DIAPH2: variants seen among roughly 807,000 people sequenced by gnomAD.
DIAPH2 encodes the protein diaphanous related formin 2, also known as protein diaphanous homolog 2.
DIAPH2 carries 35 observed loss-of-function variants against 92.7 expected under a neutral mutation model. The ratio of observed to expected loss-of-function variants is 0.38; its 90% CI spans 0.29 to 0.50. The LOEUF (loss-of-function observed/expected upper bound fraction) is 0.50, where lower values mean the gene tolerates loss of function less well. Ranked by LOEUF, DIAPH2 falls within the 20% of genes least tolerant of loss-of-function variation. The pLI is 0.94. For synonymous variants in DIAPH2, 301 were observed against 280.4 expected (o/e 1.07, Z -0.73); for missense variants, 701 against 819.5 (o/e 0.86, Z 1.77).
chrX:97,021,319 C>T (rs929536070), intron 17 of DIAPH2, among the ~76,000 whole-genome samples: 7 of 111,812 alleles, frequency 6.3e-5, no homozygotes, highest in African/African-American at 2.3e-4. Context: ...GCACCTCAGT[C>T]TCCCGAGTAG....
intron 19 of DIAPH2, among the ~76,000 whole-genome samples, chrX:97,086,955 A>G (rs963977856): frequency 2.7e-5 from 3 of 111,559 alleles, no homozygotes; most frequent in Middle Eastern, 4.6e-3. Context: ...AGTAACAGAA[A>G]GTTTACTAAT....
chrX:97,166,775 C>G (rs1255699479), intron 22 of DIAPH2, among the ~76,000 whole-genome samples: 3 of 111,420 alleles, frequency 2.7e-5, no homozygotes, highest in Non-Finnish European at 3.8e-5. Flanking sequence ...TCTTTAATGC[C>G]CTGTCTGTTC....
intron 15 of DIAPH2, among the ~76,000 whole-genome samples, chrX:96,957,011 A>G (rs1251659201): frequency 8.9e-6 from 1 of 112,451 alleles, no homozygotes; most frequent in African/African-American, 3.2e-5. Context: ...GAGACTGGGT[A>G]ACTTTTTTTT....
chrX:97,597,787 T>G (rs190071905), intron 26 of DIAPH2, among the ~76,000 whole-genome samples: 100 of 112,010 alleles, frequency 8.9e-4, no homozygotes, highest in African/African-American at 3.0e-3. Context: ...TTGTGATCCA[T>G]ATCTCAAACT....
At chrX:97,518,301 A>G (rs991693209) in intron 26 of DIAPH2, among the ~76,000 whole-genome samples, 1 of 111,461 alleles carries the variant, frequency 9.0e-6, no homozygotes, top group Non-Finnish European at 1.9e-5. Flanking sequence ...TATATTTCTC[A>G]TATAGATCCA....
At chrX:97,151,407 G>A (rs1435357379) in intron 22 of DIAPH2, among the ~76,000 whole-genome samples, 1 of 111,470 alleles carries the variant, frequency 9.0e-6, no homozygotes, top group African/African-American at 3.3e-5. Flanking sequence ...CATTGTATAA[G>A]TGTAAATAGG....
At chrX:97,271,852 TACAG>T (rs2068390313) in intron 23 of DIAPH2, among the ~76,000 whole-genome samples, 1 of 100,397 alleles carries the variant, frequency 1.0e-5, no homozygotes, top group Non-Finnish European at 2.1e-5. Flanking sequence ...CACACATGCG[TACAG>T]ACATACATAT....
Position 97,360,404 on chromosome X carries a change from G to T in DIAPH2, c.3009+12124G>T, listed in dbSNP as rs746723668. On this transcript the variant is annotated intron_variant, in intron 24 of 26. Coordinates refer to ENST00000324765, the MANE Select transcript of DIAPH2 (RefSeq NM_006729.5). ...CAAGGCGGGTGAATCATGAGGTCAG[G>T]AGTTCGAGACCAGCCTGGCCAACAT... Among the ~76,000 whole-genome samples, 19 of 108,209 alleles carry T rather than the reference G, an allele frequency of 1.8e-4. No individual in the cohort carries two copies. The South Asian group carries it at 7.9e-3, about 45-fold the overall frequency. 94.0% of individuals were successfully genotyped at this position (108,209 alleles called of 115,157 possible).
At chrX:97,428,327 C>G (rs988289727) in intron 25 of DIAPH2, among the ~76,000 whole-genome samples, 6 of 110,674 alleles carry the variant, frequency 5.4e-5, no homozygotes, top group African/African-American at 1.6e-4. Context: ...GTCAGGAGTT[C>G]GAGACCAGCC....
chrX:96,874,489 A>G (rs2147738940), intron 4 of DIAPH2, among the ~76,000 whole-genome samples: 1 of 112,359 alleles, frequency 8.9e-6, no homozygotes, highest in African/African-American at 3.2e-5. Flanking sequence ...GATTTTAAGT[A>G]TAGAATAAAC....
chrX:97,454,655 A>T (rs1208886385), intron 26 of DIAPH2, among the ~76,000 whole-genome samples: 1 of 110,783 alleles, frequency 9.0e-6, no homozygotes, highest in African/African-American at 3.3e-5. Context: ...TGAGATCGAG[A>T]CTATCCTGGC....
chrX:96,998,198 C>A (rs946102307), intron 17 of DIAPH2, among the ~76,000 whole-genome samples: 3 of 111,571 alleles, frequency 2.7e-5, no homozygotes, highest in Admixed American at 9.5e-5. Flanking sequence ...ATATATTGTA[C>A]CTCAATAAAA....
chrX:97,238,503 G>A (rs1342413794), intron 22 of DIAPH2, among the ~76,000 whole-genome samples: 1 of 110,546 alleles, frequency 9.0e-6, no homozygotes. Flanking sequence ...TATTTAGAAT[G>A]CACATTTTTA....
intron 25 of DIAPH2, among the ~76,000 whole-genome samples, chrX:97,428,560 C>A (rs2147776354): frequency 9.0e-6 from 1 of 110,667 alleles, no homozygotes; most frequent in East Asian, 2.8e-4. Context: ...AATGTATTTT[C>A]ATTTGTGATC....
intron 26 of DIAPH2, among the ~76,000 whole-genome samples, chrX:97,572,779 C>T (rs2071377687): frequency 9.0e-6 from 1 of 111,676 alleles, no homozygotes; most frequent in East Asian, 2.8e-4. Context: ...GCAGGGAACA[C>T]AAGATTTTAC....
intron 26 of DIAPH2, among the ~76,000 whole-genome samples, chrX:97,522,093 A>G (rs1410056139): frequency 8.9e-6 from 1 of 111,977 alleles, no homozygotes; most frequent in Non-Finnish European, 1.9e-5. Flanking sequence ...TTACATAAAC[A>G]TTAAGGACTT....
At chrX:96,757,379 T>C (rs2064238343) in intron 3 of DIAPH2, among the ~76,000 whole-genome samples, 1 of 112,237 alleles carries the variant, frequency 8.9e-6, no homozygotes, top group Non-Finnish European at 1.9e-5. Context: ...GTAGATTGAC[T>C]TTTCATTTGG....
chrX:97,281,780 A>G (rs749264684), intron 23 of DIAPH2, among the ~76,000 whole-genome samples: 1 of 111,451 alleles, frequency 9.0e-6, no homozygotes, highest in East Asian at 2.8e-4. Flanking sequence ...AGGTTAAGGT[A>G]AAACACAATT....
chrX:96,819,382 T>G (rs928191366), intron 4 of DIAPH2, among the ~76,000 whole-genome samples: 5 of 112,667 alleles, frequency 4.4e-5, no homozygotes, highest in African/African-American at 1.6e-4. Context: ...CTATTCCTGT[T>G]TTCTCTCGAT....
Sources: gnomAD v4.1 joint callset for allele counts (sites outside exome capture counted in the v4.1 genomes callset) on GRCh38, gnomAD v4.1.1 for gene constraint, MANE v1.5 for transcripts, NCBI Gene and HGNC (gene_info 2026-07-23, HGNC 2026-07-21) for gene names.